Variants in SHISAL2A observed in about 807,000 individuals in gnomAD.
SHISAL2A encodes the protein shisa like 2A, also known as protein shisa-like-2A.
Under a neutral mutation model 11.5 loss-of-function variants are expected in SHISAL2A, and 18 were observed. That is an observed-to-expected ratio of 1.57 (90% confidence interval 1.08 to 2.33). SHISAL2A has a LOEUF of 2.33. Ranked by LOEUF, SHISAL2A falls within the 30% of genes most tolerant of loss-of-function variation. The pLI is 0.00. For synonymous variants in SHISAL2A, 94 were observed against 99.6 expected (o/e 0.94, Z 0.34); for missense variants, 261 against 250.9 (o/e 1.04, Z -0.27).
At chr1:52,646,572 T>C (rs1691506413) in intron 2 of SHISAL2A, among the ~76,000 whole-genome samples, 1 of 151,944 alleles carries the variant, frequency 6.6e-6, no homozygotes, top group African/African-American at 2.4e-5. Flanking sequence ...CAAATTTCCC[T>C]ACTTGCTAAA....
rs576641170 is a variant in SHISAL2A, at chr1:52,635,466, G to A, written c.182+1791G>A. Among the ~76,000 whole-genome samples, 3 of 152,136 alleles carry A rather than the reference G, an allele frequency of 2.0e-5. No homozygotes were observed. The South Asian group carries it at 6.2e-4, about 32-fold the overall frequency. On this transcript the variant is annotated intron_variant, in intron 1 of 2. Coordinates refer to ENST00000517870, the MANE Select transcript of SHISAL2A (RefSeq NM_001042693.3). ...TGGTTGGGTTAGGGATAAAATCGTA[G>A]GGGATCAAAGCTACCTTCTTGCACT...
At position 52,656,844 on chromosome 1, in the gene SHISAL2A, A is replaced by G; in HGVS notation, c.377A>G (p.Glu126Gly). 1 of 1,614,080 alleles carries G rather than the reference A, an allele frequency of 6.2e-7. No individual in the cohort carries two copies. The change falls in exon 3 of 3, where the codon GAA becomes GGA. Residue 126 changes from glutamate to glycine, a missense_variant. Glu to Gly is a moderately conservative substitution (Grantham distance 98). Coordinates refer to ENST00000517870, the MANE Select transcript of SHISAL2A (RefSeq NM_001042693.3). ...CQGVNTGMAAEVPKVSPLQQS... is the reference protein window; with the variant it reads ...CQGVNTGMAAGVPKVSPLQQS... Reference sequence around the variant, plus strand: ...GGTGTGAACACAGGCATGGCGGCAGAAGTGCCAAAAGTGAGCCCTCTCCAG... The same window carrying G: ...GGTGTGAACACAGGCATGGCGGCAGGAGTGCCAAAAGTGAGCCCTCTCCAG...
chr1:52,665,193 A>G (rs1454124205), intron 4 of SHISAL2A, among the ~76,000 whole-genome samples: 6 of 152,212 alleles, frequency 3.9e-5, no homozygotes, highest in African/African-American at 1.2e-4. Flanking sequence ...AAGATCTCCT[A>G]GATTTCTTCC....
In SHISAL2A at chr1:52,639,621, C is replaced by T. The variant is rs187774373; in HGVS notation, c.183-3242C>T. ...ACAAAAAATTAGCCGGGCGTGGTGG[C>T]GGGTGCTTGTAGTCCCAGCTACTCG... is the stretch of plus-strand genomic sequence containing the variant. On this transcript the variant is annotated intron_variant, in intron 1 of 2. Transcript: ENST00000517870. Among the ~76,000 whole-genome samples the T allele has an allele frequency of 1.4e-3, 220 of 151,900 alleles. 6 individuals are homozygous for T. The East Asian group carries it at 0.04, about 28-fold the overall frequency.
rs376546532 is a variant in SHISAL2A, at chr1:52,646,294, T to A, written c.322+3292T>A. 8.5e-5 allele frequency among the ~76,000 whole-genome samples: 13 copies of A among 152,076 alleles called. No individual in the cohort carries two copies. The South Asian group carries it at 1.9e-3, about 22-fold the overall frequency. On this transcript the variant is annotated intron_variant, in intron 2 of 2. Coordinates refer to ENST00000517870, the MANE Select transcript of SHISAL2A (RefSeq NM_001042693.3). ...TAGAGTAGAGAATAGAGTACTAAAG[T>A]TGAAAAACCTAGAATAGAAAGAGTC...
chr1:52,664,195 CTTT>C (rs34583856), intron 4 of SHISAL2A, among the ~76,000 whole-genome samples: 1 of 144,104 alleles, frequency 6.9e-6, no homozygotes. Context: ...AATTTTTATT[CTTT>C]TTTTTTTTTT....
At position 52,633,913 on chromosome 1, in the gene SHISAL2A, C is replaced by T. The variant is rs1455547016; in HGVS notation, c.182+238C>T. Among the ~76,000 whole-genome samples, 1 of 151,942 alleles carries T rather than the reference C, an allele frequency of 6.6e-6. No individual in the cohort carries two copies. Among genetic ancestry groups the T allele is most frequent in the East Asian group, 1.9e-4 (1 of 5,180 alleles). On this transcript the variant is annotated intron_variant, in intron 1 of 2. Transcript: ENST00000517870. The surrounding 1 kb of genome is among the most constrained non-coding windows in gnomAD (Gnocchi z 6.4). The stretch of plus-strand genomic sequence containing the variant: ...GACCTCCCCCTCCTCTAATCCAAAA[C>T]AATCCTCACTCTATCCCCACCCCAA...
rs1345445618 is a variant in SHISAL2A at position 52,633,419 on chromosome 1, G to A, written c.-75G>A. The A allele has an allele frequency of 2.5e-5, 32 of 1,303,454 alleles. No homozygotes were observed. The South Asian group carries it at 4.7e-4, about 19-fold the overall frequency. The allele number at this position is 1,303,454 out of a possible 1,614,324, so 80.7% of individuals were successfully genotyped here. A position where few individuals can be genotyped will look rare whatever the true frequency, so the allele number is the denominator to read the frequency against. ...CTCAGGCTCAGCTCCGTCTCGCTCG[G>A]TCCCTCGCTTCCCCGCCGGGCTCTA... On this transcript the variant is annotated 5_prime_UTR_variant, in exon 1 of 3. Coordinates refer to ENST00000517870, the MANE Select transcript of SHISAL2A (RefSeq NM_001042693.3). The surrounding 1 kb of genome is among the most constrained non-coding windows in gnomAD (Gnocchi z 6.4).
intron 2 of SHISAL2A, among the ~76,000 whole-genome samples, chr1:52,644,019 A>G (rs1412487303): frequency 6.6e-6 from 1 of 152,202 alleles, no homozygotes; most frequent in Non-Finnish European, 1.5e-5. Context: ...TGCTCAAAAT[A>G]GGTATTATTA....
In SHISAL2A at chr1:52,645,555, G is replaced by A. The variant is rs570867634; in HGVS notation, c.322+2553G>A. Among the ~76,000 whole-genome samples the A allele has an allele frequency of 5.3e-5, 8 of 150,188 alleles. No individual in the cohort carries two copies. The South Asian group carries it at 6.4e-4, about 12-fold the overall frequency. On this transcript the variant is annotated intron_variant, in intron 2 of 2. Transcript: ENST00000517870. ...TCCTGAATAGCAGGACTACAGGTGCGTAGCACCACACCTGGCTAATTTTTT... is the reference window on the plus strand; with the variant it reads ...TCCTGAATAGCAGGACTACAGGTGCATAGCACCACACCTGGCTAATTTTTT...
intron 1 of SHISAL2A, among the ~76,000 whole-genome samples, 193 bp from the exon 2 acceptor site, chr1:52,642,670 C>T (rs769631517): frequency 8.5e-5 from 13 of 152,216 alleles, no homozygotes; most frequent in Non-Finnish European, 1.8e-4. Context: ...GTGATCTGCC[C>T]GCCTCGGCCT....
chr1:52,643,441 C>T (rs1438592991), intron 2 of SHISAL2A, among the ~76,000 whole-genome samples: 1 of 152,184 alleles, frequency 6.6e-6, no homozygotes, highest in Non-Finnish European at 1.5e-5. Flanking sequence ...TTCCAGACTA[C>T]CCATTTCTTC....
intron 1 of SHISAL2A, among the ~76,000 whole-genome samples, chr1:52,641,946 T>C (rs1691375415): frequency 1.3e-5 from 2 of 151,408 alleles, no homozygotes; most frequent in Admixed American, 6.6e-5. Context: ...CTTCAAAAAA[T>C]ACAAAAACAT....
chr1:52,658,643 CTAT>C (rs765953244), downstream of SHISAL2A, among the ~76,000 whole-genome samples: 2 of 152,136 alleles, frequency 1.3e-5, no homozygotes, highest in Admixed American at 6.5e-5. Flanking sequence ...TATGTGTTAG[CTAT>C]TATTATTATT....
intron 2 of SHISAL2A, among the ~76,000 whole-genome samples, chr1:52,653,859 C>T (rs1216056601): frequency 6.6e-6 from 1 of 151,780 alleles, no homozygotes; most frequent in Non-Finnish European, 1.5e-5. Context: ...TCCCAAGGAG[C>T]TCAATGGAAA....
At chr1:52,666,290 A>G (rs911268297) in intron 4 of SHISAL2A, among the ~76,000 whole-genome samples, 1 of 152,030 alleles carries the variant, frequency 6.6e-6, no homozygotes, top group African/African-American at 2.4e-5. Context: ...TGCCTCTACT[A>G]AAAGTACAAA....
At chr1:52,646,258 T>C (rs577494817) in intron 2 of SHISAL2A, among the ~76,000 whole-genome samples, 2 of 152,216 alleles carry the variant, frequency 1.3e-5, no homozygotes, top group East Asian at 1.9e-4. Context: ...ATAGTACCAG[T>C]TGAGAAACCC....
intron 2 of SHISAL2A, among the ~76,000 whole-genome samples, chr1:52,651,200 G>A (rs1691637714): frequency 6.6e-6 from 1 of 151,632 alleles, no homozygotes; most frequent in Non-Finnish European, 1.5e-5. Flanking sequence ...ACATAGCAGT[G>A]GGGATTCTTG....
At chr1:52,661,115 G>A (rs779135906), downstream of SHISAL2A, among the ~76,000 whole-genome samples, 5 of 152,188 alleles carry the variant, frequency 3.3e-5, no homozygotes, top group Admixed American at 3.3e-4. Flanking sequence ...GGTGGGAATG[G>A]TGAAAGATGA....
Sources: gnomAD v4.1 joint callset for allele counts (sites outside exome capture counted in the v4.1 genomes callset) on GRCh38, gnomAD v4.1.1 for gene constraint, Gnocchi (gnomAD v3.1) non-coding constraint, MANE v1.5 for transcripts, NCBI Gene and HGNC (gene_info 2026-07-23, HGNC 2026-07-21) for gene names.